The following TOX2 variants were observed in gnomAD, a reference collection of about 807,000 sequenced individuals.
TOX2 encodes granulosa cell HMG box 1.
In TOX2, 15 loss-of-function variants were observed where a neutral mutation model predicts 47.4. The ratio of observed to expected loss-of-function variants is 0.32; its 90% CI spans 0.21 to 0.49. The LOEUF (loss-of-function observed/expected upper bound fraction) is 0.49. Among genes scored for constraint, TOX2 ranks in the 20% least tolerant of loss-of-function variants. TOX2 has a pLI of 0.99. For missense variants in TOX2, 622 were observed against 673.1 expected, an observed-to-expected ratio of 0.92 and a Z score of 0.84; for synonymous variants, 290 against 296.6, an observed-to-expected ratio of 0.98 and a Z score of 0.23.
In TOX2 at chr20:44,066,613, G is replaced by A. The variant is rs1052949716; in HGVS notation, c.1357-117G>A. Reference sequence around the variant, plus strand: ...TGGGAGCAAGGCAGCAGCCCTGGAGGCAGCATCTCTTTGGTGTGGACACCC... The same window carrying A: ...TGGGAGCAAGGCAGCAGCCCTGGAGACAGCATCTCTTTGGTGTGGACACCC... On this transcript the variant is annotated intron_variant, in intron 7 of 8. Transcript: ENST00000341197. 40 of 1,492,550 alleles carry A rather than the reference G, an allele frequency of 2.7e-5. No homozygotes were observed. In the Middle Eastern group the frequency reaches 5.1e-4, roughly 19 times the overall value. The allele number at this position is 1,492,550 out of a possible 1,614,324, so 92.5% of individuals were successfully genotyped here.
At chr20:43,968,857 A>AT (rs1348391422) in intron 1 of TOX2, among the ~76,000 whole-genome samples, 13 of 152,078 alleles carry the variant, frequency 8.5e-5, no homozygotes, top group Admixed American at 7.9e-4. Context: ...TTCTCCCTGC[A>AT]TTTTTTTCTC....
intron 1 of TOX2, among the ~76,000 whole-genome samples, chr20:43,966,618 G>T (rs1002763689): frequency 2.0e-5 from 3 of 152,082 alleles, no homozygotes; most frequent in Non-Finnish European, 2.9e-5. Context: ...GCCAGGCTTG[G>T]TGGTGCATGC....
intron 1 of TOX2, among the ~76,000 whole-genome samples, chr20:43,937,877 A>G (rs1368711786): frequency 6.6e-6 from 1 of 152,218 alleles, no homozygotes; most frequent in African/African-American, 2.4e-5. Context: ...TGCCAGAATC[A>G]TGATCATAAA....
chr20:43,927,687 TC>T (rs1397862780), intron 1 of TOX2, among the ~76,000 whole-genome samples: 22 of 113,338 alleles, frequency 1.9e-4, no homozygotes, highest in African/African-American at 9.4e-4. Context: ...CTTCCTTCCT[TC>T]CCTTCCCCTT....
At chr20:44,056,245 T>G (rs751411552) in intron 5 of TOX2, among the ~76,000 whole-genome samples, 26 of 152,200 alleles carry the variant, frequency 1.7e-4, no homozygotes, top group Non-Finnish European at 2.9e-5. Flanking sequence ...AGAGGGACCC[T>G]CAGGCAAAGG....
chr20:44,024,798 A>C (rs2071033947), intron 3 of TOX2, among the ~76,000 whole-genome samples: 1 of 149,354 alleles, frequency 6.7e-6, no homozygotes, highest in Admixed American at 6.6e-5. Context: ...ACAATAATAT[A>C]TACAATATAC....
At chr20:44,025,586 G>A (rs1208814757) in intron 3 of TOX2, among the ~76,000 whole-genome samples, 2 of 1,442 alleles carry the variant, frequency 1.4e-3, no homozygotes, top group Non-Finnish European at 2.4e-3. Context: ...CCTCATGTCA[G>A]CACTGAATTT....
At chr20:43,999,891 G>C (rs1263646460) in intron 2 of TOX2, among the ~76,000 whole-genome samples, 1 of 152,234 alleles carries the variant, frequency 6.6e-6, no homozygotes, top group Non-Finnish European at 1.5e-5. Context: ...ATAGAATTGA[G>C]AGTGTAGAAA....
intron 2 of TOX2, 104 bp downstream of exon 2, chr20:43,973,536 C>A (rs2070016268): frequency 2.2e-6 from 2 of 904,194 alleles, no homozygotes; most frequent in East Asian, 5.0e-5. Context: ...GCCAGCACAG[C>A]CCGCTGCTGT....
chr20:44,014,198 A>G (rs2070833714), intron 3 of TOX2, among the ~76,000 whole-genome samples: 2 of 149,582 alleles, frequency 1.3e-5, no homozygotes, highest in South Asian at 2.1e-4. Flanking sequence ...GTGGCCTAGG[A>G]TCATTCACAT....
At chr20:43,981,328 G>A (rs1321948089) in intron 2 of TOX2, among the ~76,000 whole-genome samples, 3 of 152,106 alleles carry the variant, frequency 2.0e-5, no homozygotes, top group African/African-American at 7.2e-5. Context: ...TATGAGAAAT[G>A]ACATATTCAA....
At chr20:43,980,119 A>C (rs1301552716) in intron 2 of TOX2, among the ~76,000 whole-genome samples, 1 of 152,254 alleles carries the variant, frequency 6.6e-6, no homozygotes, top group Non-Finnish European at 1.5e-5. Flanking sequence ...ACTTGGAAGA[A>C]ACCTAAGTGT....
intron 1 of TOX2, among the ~76,000 whole-genome samples, chr20:43,938,477 T>G (rs1270897590): frequency 6.6e-6 from 1 of 152,234 alleles, no homozygotes; most frequent in African/African-American, 2.4e-5. Flanking sequence ...TCCTGGCTCC[T>G]GCCCCATGTC....
chr20:44,004,921 G>A (rs1052827814), intron 2 of TOX2, among the ~76,000 whole-genome samples: 6 of 152,148 alleles, frequency 3.9e-5, no homozygotes, highest in African/African-American at 7.2e-5. Flanking sequence ...TATATGTTAC[G>A]TAGTTATATA....
intron 3 of TOX2, among the ~76,000 whole-genome samples, chr20:44,024,158 G>A (rs1348894144): frequency 2.0e-5 from 3 of 151,996 alleles, no homozygotes; most frequent in Non-Finnish European, 4.4e-5. Context: ...AGCTCTATAC[G>A]GTTATTACCA....
chr20:43,923,274 C>T (rs573915710), intron 1 of TOX2, among the ~76,000 whole-genome samples: 1 of 152,316 alleles, frequency 6.6e-6, no homozygotes, highest in African/African-American at 2.4e-5. Context: ...GTATGGAATG[C>T]ATCACATTGC....
intron 1 of TOX2, among the ~76,000 whole-genome samples, chr20:43,951,279 A>G (rs2069560799): frequency 6.6e-6 from 1 of 152,148 alleles, no homozygotes; most frequent in Non-Finnish European, 1.5e-5. Flanking sequence ...TTCTACCTTT[A>G]AAATAGAGTA....
chr20:43,924,857 C>T (rs1218610993), intron 1 of TOX2, among the ~76,000 whole-genome samples: 3 of 152,244 alleles, frequency 2.0e-5, no homozygotes, highest in Non-Finnish European at 4.4e-5. Flanking sequence ...CCCTCTCACT[C>T]TCTGTCCCTC....
At chr20:44,018,399 A>C (rs79857940) in intron 3 of TOX2, among the ~76,000 whole-genome samples, 1,772 of 152,290 alleles carry the variant, frequency 0.012, 33 homozygotes, top group African/African-American at 0.04. Flanking sequence ...AGGGAGAATT[A>C]AGGGAAAATC....
Sources: gnomAD v4.1 joint callset for allele counts (sites outside exome capture counted in the v4.1 genomes callset) on GRCh38, gnomAD v4.1.1 for gene constraint, MANE v1.5 for transcripts, NCBI Gene and HGNC (gene_info 2026-07-23, HGNC 2026-07-21) for gene names.